The following PSIP1 variants were observed in gnomAD, a reference collection of about 807,000 sequenced individuals.
PSIP1 encodes the protein PC4 and SRSF1 interacting protein 1.
PSIP1 carries 19 observed loss-of-function variants against 74.7 expected under a neutral mutation model. The observed-to-expected ratio is 0.25, with a 90% confidence interval of 0.18 to 0.37. The LOEUF is 0.37. Ranked by LOEUF, PSIP1 falls within the 10% of genes least tolerant of loss-of-function variation. The pLI, the probability that PSIP1 is intolerant of heterozygous loss-of-function variation, is 1.00. For synonymous variants in PSIP1, 222 were observed against 195.3 expected (o/e 1.14, Z -1.14); for missense variants, 601 against 614.3 (o/e 0.98, Z 0.23).
chr9:15,484,981 G>C (rs1408142218), intron 6 of PSIP1, among the ~76,000 whole-genome samples: 2 of 151,950 alleles, frequency 1.3e-5, no homozygotes, highest in African/African-American at 2.4e-5. Context: ...CTATTAGGGA[G>C]GGTAAGATGG....
intron 3 of PSIP1, chr9:15,506,279 A>C: frequency 3.6e-6 from 1 of 278,602 alleles, no homozygotes; most frequent in Non-Finnish European, 6.8e-6. Flanking sequence ...ATATCAGATC[A>C]CTTATTAAAA....
intron 6 of PSIP1, among the ~76,000 whole-genome samples, chr9:15,482,361 C>G (rs536013565): frequency 8.5e-5 from 13 of 152,304 alleles, no homozygotes; most frequent in African/African-American, 2.9e-4. Context: ...TTTACCCTAT[C>G]TGATCAGGCC....
intron 10 of PSIP1, chr9:15,471,514 C>CA: frequency 1.0e-6 from 1 of 976,508 alleles, no homozygotes; most frequent in Non-Finnish European, 1.2e-6. Context: ...AAGTCAAAAG[C>CA]AACAAACAGT....
At position 15,468,942 on chromosome 9, in the gene PSIP1, C is replaced by T. The variant is rs1207201212; in HGVS notation, c.1206+15G>A. The T allele has an allele frequency of 2.4e-5, 39 of 1,610,670 alleles. 1 individual carries two copies. The highest frequency in any genetic ancestry group is 3.1e-5 in the Non-Finnish European group (37 of 1,177,976). ...GACAAAATTCAAAGAATCCACATGA[C>T]TTGAAATCACTTACTTTTTTCAGTG... On this transcript the variant is annotated intron_variant, in intron 13 of 15. Transcript: ENST00000380733.
rs770210781 is a variant in PSIP1 at position 15,466,812 on chromosome 9, G to C, written c.1468C>G (p.Pro490Ala). The change falls in exon 15 of 16, where the codon CCA (proline) becomes GCA (alanine). Residue 490 changes from proline (P) to alanine (A), a missense_variant. By Grantham distance (27) the Pro-to-Ala change is conservative. Transcript: ENST00000380733. ...TCATTGCTCTCCCCGTTATGTTGTGGCTGATTACCATCTTGAGCATCAGAT... is the reference window on the plus strand; with the variant it reads ...TCATTGCTCTCCCCGTTATGTTGTGCCTGATTACCATCTTGAGCATCAGAT... ...GGSDAQDGNQ[P>A]QHNGESNEDS... 6.2e-7 allele frequency: 1 copy of C among 1,613,106 alleles called. No individual in the cohort carries two copies. The highest frequency in any genetic ancestry group is 2.2e-5 in the East Asian group (1 of 44,806).
intron 3 of PSIP1, among the ~76,000 whole-genome samples, chr9:15,499,441 A>G (rs1451352018): frequency 1.3e-5 from 2 of 152,238 alleles, no homozygotes; most frequent in African/African-American, 4.8e-5. Flanking sequence ...AAGTGTGTAC[A>G]TGTGCATTCC....
At chr9:15,495,979 C>A (rs1458486254) in intron 3 of PSIP1, among the ~76,000 whole-genome samples, 1 of 152,082 alleles carries the variant, frequency 6.6e-6, no homozygotes, top group African/African-American at 2.4e-5. Flanking sequence ...TCTTTGTTGA[C>A]CAATTTCCTT....
chr9:15,496,679 CA>C (rs565970592), intron 3 of PSIP1, among the ~76,000 whole-genome samples: 136 of 152,272 alleles, frequency 8.9e-4, no homozygotes, highest in Non-Finnish European at 1.3e-3. Context: ...CATAATGGTT[CA>C]ACTGATGTCA....
intron 6 of PSIP1, among the ~76,000 whole-genome samples, chr9:15,480,785 T>C (rs925417553): frequency 3.3e-5 from 5 of 152,142 alleles, no homozygotes; most frequent in African/African-American, 4.8e-5. Context: ...GCCAGGCTTG[T>C]GGCGCACACC....
At chr9:15,499,310 C>CTGAT (rs1372560960) in intron 3 of PSIP1, among the ~76,000 whole-genome samples, 1 of 152,174 alleles carries the variant, frequency 6.6e-6, no homozygotes, top group Non-Finnish European at 1.5e-5. Flanking sequence ...AGAGTCAAGA[C>CTGAT]TGATGTAAAA....
intron 3 of PSIP1, 44 bp downstream of exon 3, chr9:15,506,515 CCT>C (rs1020255460): frequency 1.5e-6 from 2 of 1,349,442 alleles, no homozygotes; most frequent in African/African-American, 1.4e-5. Flanking sequence ...GCCTAATAAC[CCT>C]GTTAAATTAG....
chr9:15,488,868 A>C (rs2036685470), intron 4 of PSIP1, among the ~76,000 whole-genome samples: 1 of 152,136 alleles, frequency 6.6e-6, no homozygotes. Flanking sequence ...AAAAATACAA[A>C]AAATTAGCCG....
chr9:15,467,877 T>C (rs1181641988), intron 14 of PSIP1, among the ~76,000 whole-genome samples: 1 of 152,098 alleles, frequency 6.6e-6, no homozygotes, highest in African/African-American at 2.4e-5. Flanking sequence ...TCCCAGCACT[T>C]TGGGAAGCCA....
At chr9:15,467,910 C>T (rs1320876327) in intron 14 of PSIP1, among the ~76,000 whole-genome samples, 1 of 152,020 alleles carries the variant, frequency 6.6e-6, no homozygotes, top group Non-Finnish European at 1.5e-5. Context: ...TACCATAGGT[C>T]GGGAGTTCAA....
chr9:15,490,122 G>A lies in PSIP1; in HGVS notation c.152C>T (p.Ala51Val). ...PIFFFGTHET[A>V]FLGPKDIFPY... ...AAATATATCCTTTGGTCCTAAAAAA[G>A]CACTAAAAAAGAAGTGGGGAAGATG... Residue 51 changes from alanine (A) to valine (V), a missense_variant and splice_region_variant, in exon 4 of 16, where the codon GCT (alanine) becomes GTT (valine). Physicochemically the swap from Ala to Val is moderately conservative, Grantham distance 64. Coordinates refer to ENST00000380733, the MANE Select transcript of PSIP1 (RefSeq NM_033222.5). 1 of 1,572,970 alleles carries A rather than the reference G, an allele frequency of 6.4e-7. No individual in the cohort carries two copies. The highest frequency in any genetic ancestry group is 8.6e-7 in the Non-Finnish European group (1 of 1,165,324).
At position 15,464,425 on chromosome 9, in the gene PSIP1, T is replaced by G. The variant is rs1166956047; in HGVS notation, c.*1095A>C. ...AAAATATCTTAGAAATGCTATCCTT[T>G]AGTTAACATACCCTTAAATTTTGTA... On this transcript the variant is annotated 3_prime_UTR_variant, in exon 16 of 16. Coordinates refer to ENST00000380733, the MANE Select transcript of PSIP1 (RefSeq NM_033222.5). 1 of 198,020 alleles carries G rather than the reference T, an allele frequency of 5.0e-6. No individual in the cohort carries two copies. Among genetic ancestry groups the G allele is most frequent in the African/African-American group, 2.3e-5 (1 of 43,372 alleles). The allele number at this position is 198,020 out of a possible 1,614,324, so 12.3% of individuals were successfully genotyped here.
rs192391876 is a variant in PSIP1 at position 15,473,257 on chromosome 9, C to A, written c.859-507G>T. Among the ~76,000 whole-genome samples, 60 of 152,210 alleles carry A rather than the reference C, an allele frequency of 3.9e-4. 1 individual carries two copies. The highest frequency in any genetic ancestry group is 3.8e-3 in the Admixed American group (58 of 15,284). Reference sequence around the variant, plus strand: ...TATGGCGTCCAAATAAATTTACATACCACTGATAAAATGTACAATAGGCCT... The same window carrying A: ...TATGGCGTCCAAATAAATTTACATAACACTGATAAAATGTACAATAGGCCT... On this transcript the variant is annotated intron_variant, in intron 9 of 15. Transcript: ENST00000380733.
intron 6 of PSIP1, among the ~76,000 whole-genome samples, chr9:15,481,742 T>TA (rs1357638746): frequency 2.0e-5 from 3 of 152,122 alleles, no homozygotes; most frequent in Non-Finnish European, 2.9e-5. Context: ...CCAATAAGTG[T>TA]AACAAGTTCA....
intron 8 of PSIP1, among the ~76,000 whole-genome samples, chr9:15,474,497 C>G (rs1210366719): frequency 6.6e-6 from 1 of 152,136 alleles, no homozygotes; most frequent in African/African-American, 2.4e-5. Context: ...AAAAAGTAGA[C>G]ACACTGGGAC....
Sources: allele counts gnomAD v4.1 joint callset (sites outside exome capture counted in the v4.1 genomes callset), GRCh38; gene constraint gnomAD v4.1.1; transcripts MANE v1.5; gene names NCBI Gene and HGNC (gene_info 2026-07-23, HGNC 2026-07-21).